CDKAL1: variants seen among roughly 807,000 people sequenced by gnomAD.
CDKAL1 encodes the protein threonylcarbamoyladenosine tRNA methylthiotransferase.
In CDKAL1, 32 loss-of-function variants were observed where a neutral mutation model predicts 68.2. The observed-to-expected ratio is 0.47, with a 90% CI of 0.35 to 0.63. CDKAL1 has a LOEUF of 0.63. Ranked by LOEUF, CDKAL1 falls within the 30% of genes least tolerant of loss-of-function variation. CDKAL1 has a pLI of 0.00. For missense variants in CDKAL1, 606 were observed against 696.7 expected, an observed-to-expected ratio of 0.87 and a Z score of 1.47; for synonymous variants, 234 against 244.3, an observed-to-expected ratio of 0.96 and a Z score of 0.39.
intron 13 of CDKAL1, among the ~76,000 whole-genome samples, chr6:21,179,024 G>A (rs1777690680): frequency 6.6e-6 from 1 of 152,222 alleles, no homozygotes; most frequent in South Asian, 2.1e-4. Flanking sequence ...TTGAGAAGTT[G>A]AGAAACTCTT....
At chr6:21,182,521 CT>C (rs1777831391) in intron 13 of CDKAL1, among the ~76,000 whole-genome samples, 1 of 152,104 alleles carries the variant, frequency 6.6e-6, no homozygotes, top group Non-Finnish European at 1.5e-5. Flanking sequence ...GTATTTTACC[CT>C]GCTGTAGTGC....
intron 10 of CDKAL1, among the ~76,000 whole-genome samples, chr6:20,968,603 T>C (rs1448771687): frequency 6.6e-6 from 1 of 152,098 alleles, no homozygotes; most frequent in Non-Finnish European, 1.5e-5. Flanking sequence ...AATTTTTTCT[T>C]TCTATTCCCC....
intron 9 of CDKAL1, among the ~76,000 whole-genome samples, chr6:20,951,953 TTTTC>T (rs1764544824): frequency 1.8e-5 from 2 of 112,864 alleles, no homozygotes; most frequent in Non-Finnish European, 3.3e-5. Flanking sequence ...CTCTTTTTCA[TTTTC>T]TTTTTTTTTT....
chr6:20,783,279 A>C (rs1266975769), intron 8 of CDKAL1, among the ~76,000 whole-genome samples: 1 of 152,164 alleles, frequency 6.6e-6, no homozygotes. Flanking sequence ...TTGGCTAGAC[A>C]CATGCCTTTA....
At chr6:21,121,760 A>G (rs1774726706) in intron 13 of CDKAL1, among the ~76,000 whole-genome samples, 1 of 152,212 alleles carries the variant, frequency 6.6e-6, no homozygotes, top group Non-Finnish European at 1.5e-5. Flanking sequence ...GATTTTGTCT[A>G]TTTTGTTCAA....
chr6:20,849,833 C>T (rs1040771473), intron 9 of CDKAL1, among the ~76,000 whole-genome samples: 8 of 152,042 alleles, frequency 5.3e-5, no homozygotes, highest in African/African-American at 1.4e-4. Flanking sequence ...ATTTATGCTA[C>T]GGGCGGCCTT....
intron 4 of CDKAL1, among the ~76,000 whole-genome samples, chr6:20,567,333 A>T (rs564830503): frequency 1.3e-5 from 2 of 152,092 alleles, no homozygotes; most frequent in Admixed American, 1.3e-4. Context: ...TGATTAATAA[A>T]TGGTTGATAA....
At chr6:20,945,069 CGT>C (rs1469542321) in intron 9 of CDKAL1, among the ~76,000 whole-genome samples, 1 of 58,214 alleles carries the variant, frequency 1.7e-5, no homozygotes. Flanking sequence ...TGCACACACA[CGT>C]ACACACACAC....
chr6:21,068,738 T>C (rs1158388530), intron 12 of CDKAL1, among the ~76,000 whole-genome samples: 2 of 152,240 alleles, frequency 1.3e-5, no homozygotes, highest in Non-Finnish European at 2.9e-5. Context: ...TTGTCAAGTT[T>C]CACCAAAAAT....
chr6:21,087,846 A>C (rs1482006858), intron 12 of CDKAL1, among the ~76,000 whole-genome samples: 2 of 152,248 alleles, frequency 1.3e-5, no homozygotes, highest in African/African-American at 4.8e-5. Context: ...TTGTCCAAAA[A>C]TCTCCGACCG....
intron 5 of CDKAL1, among the ~76,000 whole-genome samples, chr6:20,721,974 T>TC (rs1310372797): frequency 9.2e-5 from 14 of 151,578 alleles, no homozygotes; most frequent in Non-Finnish European, 1.9e-4. Context: ...CTCATGATCC[T>TC]CCCCCCTTGG....
chr6:20,677,977 G>A (rs1413364287), intron 5 of CDKAL1, among the ~76,000 whole-genome samples: 1 of 151,724 alleles, frequency 6.6e-6, no homozygotes, highest in East Asian at 1.9e-4. Context: ...GCTTCCTGAT[G>A]TCCTTTATTT....
intron 8 of CDKAL1, among the ~76,000 whole-genome samples, chr6:20,792,084 A>G (rs1775920898): frequency 6.6e-6 from 1 of 152,154 alleles, no homozygotes; most frequent in African/African-American, 2.4e-5. Context: ...TTCCAATACA[A>G]GAATAATATA....
At chr6:21,224,093 C>T (rs890447208) in intron 15 of CDKAL1, among the ~76,000 whole-genome samples, 2 of 152,150 alleles carry the variant, frequency 1.3e-5, no homozygotes. Flanking sequence ...CTTGGGGGCT[C>T]ACATATGTCA....
chr6:20,901,395 C>T (rs1761952889), intron 9 of CDKAL1, among the ~76,000 whole-genome samples: 1 of 151,960 alleles, frequency 6.6e-6, no homozygotes, highest in Admixed American at 6.6e-5. Context: ...GCTTTAGAGG[C>T]CAGGCGCTGT....
intron 12 of CDKAL1, among the ~76,000 whole-genome samples, chr6:21,075,638 C>T (rs1378343506): frequency 1.3e-5 from 2 of 151,816 alleles, no homozygotes; most frequent in African/African-American, 2.4e-5. Context: ...CAAATGAGAG[C>T]GACTAGATTT....
intron 6 of CDKAL1, among the ~76,000 whole-genome samples, chr6:20,740,956 T>C (rs1245636276): frequency 6.6e-6 from 1 of 152,168 alleles, no homozygotes; most frequent in Non-Finnish European, 1.5e-5. Context: ...TAGTTGGAAG[T>C]CTTTTTTAGA....
chr6:21,156,793 C>T (rs1032782149), intron 13 of CDKAL1, among the ~76,000 whole-genome samples: 2 of 151,986 alleles, frequency 1.3e-5, no homozygotes, highest in African/African-American at 2.4e-5. Context: ...GCAGAGAGAT[C>T]CCTAGGAGCA....
intron 5 of CDKAL1, among the ~76,000 whole-genome samples, chr6:20,698,583 C>T (rs183822830): frequency 2.0e-5 from 3 of 152,134 alleles, no homozygotes; most frequent in African/African-American, 7.2e-5. Flanking sequence ...GTAGAATGCC[C>T]CTCAGTTTGG....
Sources: gnomAD v4.1 joint callset for allele counts (sites outside exome capture counted in the v4.1 genomes callset) on GRCh38, gnomAD v4.1.1 for gene constraint, MANE v1.5 for transcripts, NCBI Gene and HGNC (gene_info 2026-07-23, HGNC 2026-07-21) for gene names.